Variants in RIPOR3 observed in about 807,000 individuals in gnomAD.
The protein encoded by RIPOR3 is RIPOR family member 3, also known as family with sequence similarity 65 member C.
RIPOR3 carries 95 observed loss-of-function variants against 114.3 expected under a neutral mutation model. The observed-to-expected ratio is 0.83, with a 90% CI of 0.70 to 0.99. The LOEUF is 0.99. Ranked by LOEUF, RIPOR3 falls within the 50% of genes least tolerant of loss-of-function variation. The pLI, the probability that RIPOR3 is intolerant of heterozygous loss-of-function variation, is 0.00. For synonymous variants in RIPOR3, 575 were observed against 543.8 expected (o/e 1.06, Z -0.80); for missense variants, 1,252 against 1,266.9 (o/e 0.99, Z 0.18).
intron 3 of RIPOR3, among the ~76,000 whole-genome samples, chr20:50,619,214 G>C (rs2084300779): frequency 6.6e-6 from 1 of 151,990 alleles, no homozygotes; most frequent in South Asian, 2.1e-4. Context: ...GGAGGTTGCA[G>C]TGAGCTGAGA....
At chr20:50,685,207 T>C (rs1486677974) in intron 1 of RIPOR3, among the ~76,000 whole-genome samples, 2 of 149,446 alleles carry the variant, frequency 1.3e-5, no homozygotes, top group Non-Finnish European at 3.0e-5. Flanking sequence ...TCTTGAGAGC[T>C]GATGATGGGA....
At chr20:50,614,098 C>CGT (rs2084074668) in intron 4 of RIPOR3, among the ~76,000 whole-genome samples, 1 of 152,192 alleles carries the variant, frequency 6.6e-6, no homozygotes, top group Non-Finnish European at 1.5e-5. Flanking sequence ...TGCAGTGGTA[C>CGT]GATCTCACCT....
At chr20:50,608,362 G>A (rs745614825) in intron 11 of RIPOR3, 27 bp downstream of exon 11, 45 of 1,612,796 alleles carry the variant, frequency 2.8e-5, no homozygotes, top group South Asian at 5.5e-5. Context: ...CCAGGCCTCC[G>A]CTCTCCCCAG....
At chr20:50,608,292 G>A (rs2083801110) in intron 11 of RIPOR3, 97 bp downstream of exon 11, 3 of 1,551,856 alleles carry the variant, frequency 1.9e-6, no homozygotes, top group Admixed American at 1.8e-5. Context: ...GGACACCCTT[G>A]GCAGAGGCTG....
chr20:50,652,713 G>A (rs1026780825), intron 1 of RIPOR3, among the ~76,000 whole-genome samples: 3 of 152,128 alleles, frequency 2.0e-5, no homozygotes, highest in African/African-American at 7.2e-5. Flanking sequence ...CCTGACGGCT[G>A]AGCATGCAGC....
At chr20:50,598,619 T>G (rs1450341387) in intron 13 of RIPOR3, among the ~76,000 whole-genome samples, 1 of 152,220 alleles carries the variant, frequency 6.6e-6, no homozygotes, top group Non-Finnish European at 1.5e-5. Context: ...AATACACACA[T>G]GCATGTAGAC....
intron 1 of RIPOR3, among the ~76,000 whole-genome samples, chr20:50,682,256 T>A (rs1446870245): frequency 6.6e-6 from 1 of 152,134 alleles, no homozygotes; most frequent in Non-Finnish European, 1.5e-5. Context: ...GAAAAGTGAA[T>A]GAACAAGTGA....
At chr20:50,616,199 G>A in intron 3 of RIPOR3, 119 bp from the exon 4 acceptor site, 2 of 974,556 alleles carry the variant, frequency 2.1e-6, no homozygotes, top group Non-Finnish European at 3.1e-6. Flanking sequence ...GGGGCTCAGA[G>A]GCAGGTAGGA....
At chr20:50,649,106 G>A (rs2085513571) in intron 1 of RIPOR3, among the ~76,000 whole-genome samples, 1 of 152,182 alleles carries the variant, frequency 6.6e-6, no homozygotes, top group African/African-American at 2.4e-5. Context: ...GCTTCCCAGT[G>A]TCTCTGTCTT....
At chr20:50,631,426 C>A (rs866103481) in intron 1 of RIPOR3, among the ~76,000 whole-genome samples, 1 of 152,094 alleles carries the variant, frequency 6.6e-6, no homozygotes, top group African/African-American at 2.4e-5. Flanking sequence ...TGTCTAAGGC[C>A]GAGGGAACAG....
intron 1 of RIPOR3, among the ~76,000 whole-genome samples, chr20:50,689,010 C>G (rs1183306649): frequency 6.6e-6 from 1 of 152,084 alleles, no homozygotes; most frequent in Non-Finnish European, 1.5e-5. Flanking sequence ...TTAGGCACCT[C>G]AGAAGCTGCA....
intron 1 of RIPOR3, among the ~76,000 whole-genome samples, chr20:50,674,032 C>G (rs879491876): frequency 2.6e-5 from 4 of 152,160 alleles, no homozygotes; most frequent in Non-Finnish European, 4.4e-5. Context: ...GAGCCGGACA[C>G]GAGCGTTCCA....
At position 50,609,655 on chromosome 20, in the gene RIPOR3, C is replaced by T. The variant is rs761584594; in HGVS notation, c.494G>A (p.Arg165Gln). Residue 165 changes from arginine to glutamine, a missense_variant, in exon 7 of 22, where the codon CGG becomes CAG. Coordinates refer to ENST00000327979, the MANE Select transcript of RIPOR3 (RefSeq NM_001290268.2). ...GCTCGGGGGGCACCGGGCGAAGGCC[C>T]GCTGCATGCTGGAGGCGCCGTCGCG... ...RLRDGASSMQ[R>Q]AFARCPPSRA... is the part of the protein sequence containing the mutation. 2.6e-5 allele frequency: 37 copies of T among 1,397,644 alleles called. 2 individuals are homozygous for T. The highest frequency in any genetic ancestry group is 5.2e-5 in the South Asian group (3 of 57,946). 86.6% of individuals were successfully genotyped at this position (1,397,644 alleles called of 1,614,324 possible). A position where few individuals can be genotyped will look rare whatever the true frequency, so the allele number is the denominator to read the frequency against.
At chr20:50,633,980 CTTT>C (rs375758598) in intron 1 of RIPOR3, among the ~76,000 whole-genome samples, 32,529 of 130,870 alleles carry the variant, frequency 0.25, 5,910 homozygotes, top group African/African-American at 0.54. Context: ...TCTTTCTTTT[CTTT>C]TTTTTTTTTT....
At chr20:50,619,324 C>G (rs1225273766) in intron 3 of RIPOR3, among the ~76,000 whole-genome samples, 1 of 151,334 alleles carries the variant, frequency 6.6e-6, no homozygotes, top group Non-Finnish European at 1.5e-5. Flanking sequence ...ACCTGCAGTC[C>G]CAGCTAGTTG....
intron 20 of RIPOR3, among the ~76,000 whole-genome samples, chr20:50,588,287 C>G (rs896091285): frequency 1.3e-5 from 2 of 152,276 alleles, no homozygotes; most frequent in African/African-American, 4.8e-5. Context: ...CCTGGCTGCT[C>G]CTGCAGGCCA....
chr20:50,663,602 C>A (rs1364077493), intron 1 of RIPOR3, among the ~76,000 whole-genome samples: 1 of 152,144 alleles, frequency 6.6e-6, no homozygotes, highest in Non-Finnish European at 1.5e-5. Flanking sequence ...TCACAAGAGG[C>A]CCCTAGAGGT....
chr20:50,611,007 G>GGGCTTAGTGCCGGACC lies in RIPOR3; in HGVS notation c.373-102_373-101insGGTCCGGCACTAAGCC, dbSNP rs3830966. On this transcript the variant is annotated intron_variant, in intron 5 of 21. Transcript: ENST00000327979. Reference sequence around the variant, plus strand: ...CCTACAGGTCCTAACTCAGAGAATGGGGCCCCTCACCATCCCTGAGGAAGG... The same window carrying GGGCTTAGTGCCGGACC: ...CCTACAGGTCCTAACTCAGAGAATGGGGCTTAGTGCCGGACCGGCCCCTCACCATCCCTGAGGAAGG... The GGGCTTAGTGCCGGACC allele has an allele frequency of 5.8e-6, 9 of 1,546,116 alleles. No individual in the cohort carries two copies. In the South Asian group the frequency reaches 1.0e-4, roughly 18 times the overall value.
chr20:50,640,194 C>T (rs1366272553), intron 1 of RIPOR3, among the ~76,000 whole-genome samples: 4 of 152,186 alleles, frequency 2.6e-5, no homozygotes, highest in African/African-American at 7.2e-5. Context: ...CTGCGGCTCC[C>T]ACAGGGCCTC....
Sources: gnomAD v4.1 joint callset for allele counts (sites outside exome capture counted in the v4.1 genomes callset) on GRCh38, gnomAD v4.1.1 for gene constraint, MANE v1.5 for transcripts, NCBI Gene and HGNC (gene_info 2026-07-23, HGNC 2026-07-21) for gene names.